The following ADAM22 variants were observed in gnomAD, a reference collection of about 807,000 sequenced individuals.
ADAM22 encodes the protein ADAM metallopeptidase domain 22.
Under a neutral mutation model 144.6 loss-of-function variants are expected in ADAM22, and 65 were observed. That is an observed-to-expected ratio of 0.45 (90% CI 0.37 to 0.55). The LOEUF (loss-of-function observed/expected upper bound fraction) is 0.55. ADAM22 is among the 20% of genes least tolerant of loss of function. The probability of loss-of-function intolerance (pLI) is 0.00; values close to 1 mark genes in which losing one functional copy is unlikely to be tolerated. For missense variants in ADAM22, 974 were observed against 1,184.9 expected (o/e 0.82, Z 2.61); for synonymous variants, 391 against 412.6 (o/e 0.95, Z 0.63).
chr7:87,936,047 T>A (rs1057314341), intron 2 of ADAM22, among the ~76,000 whole-genome samples: 2 of 152,254 alleles, frequency 1.3e-5, no homozygotes. Context: ...TAAACTTTAC[T>A]GAAGCAATGG....
intron 2 of ADAM22, among the ~76,000 whole-genome samples, chr7:87,954,307 T>C (rs1410265541): frequency 1.3e-5 from 2 of 152,234 alleles, no homozygotes; most frequent in Admixed American, 1.3e-4. Context: ...TGTTTAGTGC[T>C]TCCTTTAGGA....
At chr7:88,071,951 G>T (rs1323792320) in intron 3 of ADAM22, among the ~76,000 whole-genome samples, 2 of 151,930 alleles carry the variant, frequency 1.3e-5, no homozygotes, top group Non-Finnish European at 2.9e-5. Flanking sequence ...GATGAACAAT[G>T]ATGTTCTAAA....
At chr7:88,183,416 A>G (rs1386155900) in intron 29 of ADAM22, among the ~76,000 whole-genome samples, 1 of 152,114 alleles carries the variant, frequency 6.6e-6, no homozygotes, top group African/African-American at 2.4e-5. Flanking sequence ...ACAAGACTTC[A>G]AAAACTCCTA....
chr7:87,934,864 G>T, intron 1 of ADAM22, 162 bp from the exon 2 acceptor site: 1 of 1,000,648 alleles, frequency 1.0e-6, no homozygotes, highest in Non-Finnish European at 1.5e-6. Flanking sequence ...CAAGGCTCTC[G>T]GGCTGGTGTC....
At chr7:87,990,659 C>T (rs1789584719) in intron 3 of ADAM22, among the ~76,000 whole-genome samples, 1 of 151,880 alleles carries the variant, frequency 6.6e-6, no homozygotes. Flanking sequence ...ATTTATTTCT[C>T]CCCTTTTCTT....
intron 3 of ADAM22, among the ~76,000 whole-genome samples, chr7:88,048,535 A>G (rs1276854708): frequency 6.6e-6 from 1 of 152,114 alleles, no homozygotes; most frequent in Non-Finnish European, 1.5e-5. Context: ...AAAAAATTTC[A>G]TCTTTCAATA....
At chr7:88,031,158 GTATAAA>G (rs1459163784) in intron 3 of ADAM22, among the ~76,000 whole-genome samples, 1 of 151,980 alleles carries the variant, frequency 6.6e-6, no homozygotes, top group Non-Finnish European at 1.5e-5. Context: ...CTTCTTTTCT[GTATAAA>G]TTACCTAGTC....
chr7:88,171,453 G>C (rs1844289017), intron 25 of ADAM22, 91 bp from the exon 26 acceptor site: 8 of 1,176,260 alleles, frequency 6.8e-6, no homozygotes, highest in Non-Finnish European at 8.4e-6. Context: ...ATGAAAGCTA[G>C]AGCTTTTATG....
chr7:87,943,401 G>A (rs1433662355), intron 2 of ADAM22, among the ~76,000 whole-genome samples: 1 of 151,870 alleles, frequency 6.6e-6, no homozygotes, highest in African/African-American at 2.4e-5. Context: ...CTACTTATTT[G>A]ACATGTGGTT....
At chr7:87,985,038 G>T (rs1854622940) in intron 3 of ADAM22, among the ~76,000 whole-genome samples, 1 of 151,220 alleles carries the variant, frequency 6.6e-6, no homozygotes, top group African/African-American at 2.4e-5. Flanking sequence ...TATTGGCTAG[G>T]TGCGGTGGCT....
At chr7:87,956,890 A>G (rs1365711704) in intron 2 of ADAM22, among the ~76,000 whole-genome samples, 1 of 152,184 alleles carries the variant, frequency 6.6e-6, no homozygotes, top group Non-Finnish European at 1.5e-5. Flanking sequence ...TGTGTAAAAA[A>G]TTTTTGTGTG....
intron 4 of ADAM22, among the ~76,000 whole-genome samples, chr7:88,081,007 C>T (rs533047533): frequency 4.5e-4 from 69 of 152,248 alleles, no homozygotes; most frequent in African/African-American, 1.6e-3. Context: ...CAGCATCATC[C>T]TGATACCAAA....
At chr7:88,055,028 C>T (rs1183815316) in intron 3 of ADAM22, among the ~76,000 whole-genome samples, 2 of 152,018 alleles carry the variant, frequency 1.3e-5, no homozygotes, top group African/African-American at 4.8e-5. Context: ...CAAATCAATA[C>T]CCCAGTATTA....
At chr7:88,108,836 T>G (rs1372093394) in intron 5 of ADAM22, among the ~76,000 whole-genome samples, 23 of 152,124 alleles carry the variant, frequency 1.5e-4, no homozygotes, top group Non-Finnish European at 2.9e-5. Flanking sequence ...TTTAAGGAGA[T>G]GCTAGACTCC....
chr7:88,014,429 G>C (rs992041451), intron 3 of ADAM22, among the ~76,000 whole-genome samples: 2 of 152,034 alleles, frequency 1.3e-5, no homozygotes, highest in African/African-American at 4.8e-5. Flanking sequence ...AGTTTTTTCA[G>C]CAGGCACATT....
chr7:88,131,962 A>T (rs899732868), intron 11 of ADAM22: 1 of 152,368 alleles, frequency 6.6e-6, no homozygotes, highest in African/African-American at 2.4e-5. Context: ...GGAAGAAAAG[A>T]TGTATTTTGG....
intron 14 of ADAM22, among the ~76,000 whole-genome samples, chr7:88,137,587 A>C (rs1646126992): frequency 6.6e-6 from 1 of 152,046 alleles, no homozygotes; most frequent in African/African-American, 2.4e-5. Flanking sequence ...TCTCTATCTA[A>C]CCAGATTTCT....
At chr7:88,024,163 G>A (rs75533221) in intron 3 of ADAM22, among the ~76,000 whole-genome samples, 272 of 152,210 alleles carry the variant, frequency 1.8e-3, no homozygotes, top group African/African-American at 6.2e-3. Context: ...TGGAAGTACA[G>A]ATGTCTGTTA....
At chr7:88,083,868 T>C (rs912682147) in intron 4 of ADAM22, among the ~76,000 whole-genome samples, 2 of 152,078 alleles carry the variant, frequency 1.3e-5, no homozygotes, top group African/African-American at 4.8e-5. Context: ...ACAGGATTCA[T>C]CTAGATATAA....
Sources: allele counts gnomAD v4.1 joint callset (sites outside exome capture counted in the v4.1 genomes callset), GRCh38; gene constraint gnomAD v4.1.1; transcripts MANE v1.5; gene names NCBI Gene and HGNC (gene_info 2026-07-23, HGNC 2026-07-21).